The following ANO2 variants were observed in gnomAD, a reference collection of about 807,000 sequenced individuals.
ANO2 encodes the protein anoctamin-2.
Under a neutral mutation model 124.2 loss-of-function variants are expected in ANO2, and 101 were observed. The ratio of observed to expected loss-of-function variants is 0.81; its 90% CI spans 0.69 to 0.96. The LOEUF is 0.96. Ranked by LOEUF, ANO2 falls within the 40% of genes least tolerant of loss-of-function variation. The probability of loss-of-function intolerance (pLI) is 0.00; values close to 1 mark genes in which losing one functional copy is unlikely to be tolerated. For missense variants in ANO2, 1,293 were observed against 1,274.5 expected (o/e 1.01, Z -0.22); for synonymous variants, 486 against 482.5 (o/e 1.01, Z -0.09).
At chr12:5,685,507 G>A (rs1948666137) in intron 14 of ANO2, among the ~76,000 whole-genome samples, 1 of 152,190 alleles carries the variant, frequency 6.6e-6, no homozygotes, top group Non-Finnish European at 1.5e-5. Flanking sequence ...GCCTGGGGCT[G>A]GGCACAGTGG....
At chr12:5,911,018 G>A (rs1468250872) in intron 3 of ANO2, among the ~76,000 whole-genome samples, 2 of 152,274 alleles carry the variant, frequency 1.3e-5, no homozygotes, top group East Asian at 1.9e-4. Context: ...AGCATCTGCG[G>A]GCAGGGAGAG....
intron 3 of ANO2, among the ~76,000 whole-genome samples, chr12:5,854,969 G>C (rs1003819793): frequency 6.6e-6 from 1 of 150,692 alleles, no homozygotes; most frequent in African/African-American, 2.4e-5. Flanking sequence ...CACGCACAGG[G>C]GAAAAAATAC....
At chr12:5,796,203 TCA>T (rs917238163) in intron 10 of ANO2, among the ~76,000 whole-genome samples, 28 of 145,830 alleles carry the variant, frequency 1.9e-4, no homozygotes, top group East Asian at 6.2e-4. Context: ...TCACATACAC[TCA>T]CACTCTCACA....
At position 5,587,526 on chromosome 12, in the gene ANO2, C is replaced by T. The variant is rs544654825; in HGVS notation, c.2234-9008G>A. ...AACCCCATGACAGGGCTGTGAGGGG[C>T]CTGCGGCAATGGAGCTTTGAAGCCC... On this transcript the variant is annotated intron_variant, in intron 20 of 24. Coordinates refer to ENST00000682330, the MANE Select transcript of ANO2 (RefSeq NM_001364791.2). 7.0e-4 allele frequency among the ~76,000 whole-genome samples: 106 copies of T among 152,290 alleles called. 1 individual carries two copies. The highest frequency in any genetic ancestry group is 3.4e-3 in the Middle Eastern group (1 of 294).
At chr12:5,890,716 G>C (rs11611587) in intron 3 of ANO2, among the ~76,000 whole-genome samples, 30,885 of 152,164 alleles carry the variant, frequency 0.2, 3,243 homozygotes, top group Middle Eastern at 0.28. Context: ...TACAATATCT[G>C]AGTTGGTACA....
At chr12:5,746,697 G>A (rs1387015491) in intron 11 of ANO2, among the ~76,000 whole-genome samples, 2 of 152,214 alleles carry the variant, frequency 1.3e-5, no homozygotes, top group Non-Finnish European at 2.9e-5. Context: ...ATGTTCTTCA[G>A]GGTAAATCAT....
intron 15 of ANO2, among the ~76,000 whole-genome samples, chr12:5,644,053 T>C (rs1946514821): frequency 6.6e-6 from 1 of 152,216 alleles, no homozygotes. Flanking sequence ...CAGCATTTTA[T>C]TATGGTTGTG....
chr12:5,666,528 A>G (rs1947726964), intron 14 of ANO2, among the ~76,000 whole-genome samples: 2 of 152,066 alleles, frequency 1.3e-5, no homozygotes, highest in African/African-American at 4.8e-5. Context: ...GCCATTATTT[A>G]TCTGCTGTGT....
At chr12:5,738,646 G>A (rs1206716243) in intron 13 of ANO2, among the ~76,000 whole-genome samples, 1 of 152,194 alleles carries the variant, frequency 6.6e-6, no homozygotes, top group Non-Finnish European at 1.5e-5. Context: ...CAGGAATTAT[G>A]GTGGGAATAG....
chr12:5,830,742 A>G (rs1954124723), intron 5 of ANO2, among the ~76,000 whole-genome samples: 1 of 152,258 alleles, frequency 6.6e-6, no homozygotes. Context: ...AAAGGTATTT[A>G]TAACAAAGAT....
At chr12:5,853,642 T>G (rs1055996560) in intron 4 of ANO2, among the ~76,000 whole-genome samples, 1 of 151,856 alleles carries the variant, frequency 6.6e-6, no homozygotes, top group Non-Finnish European at 1.5e-5. Context: ...AGCAAATTGG[T>G]GTTGTTTCCC....
Position 5,885,675 on chromosome 12 carries a change from G to A in ANO2, c.535-31534C>T, listed in dbSNP as rs186518721. On this transcript the variant is annotated intron_variant, in intron 3 of 24. Transcript: ENST00000682330. ...TTCAAGCCCTTAACCACTGTGCAACGTTACTAGCTAGCCCCGAGTTCTTTG... is the reference window on the plus strand; with the variant it reads ...TTCAAGCCCTTAACCACTGTGCAACATTACTAGCTAGCCCCGAGTTCTTTG... 5.3e-5 allele frequency among the ~76,000 whole-genome samples: 8 copies of A among 152,306 alleles called. No individual in the cohort carries two copies. The East Asian group carries it at 1.2e-3, about 22-fold the overall frequency.
intron 16 of ANO2, among the ~76,000 whole-genome samples, chr12:5,631,900 T>C (rs1945737744): frequency 6.6e-6 from 1 of 152,038 alleles, no homozygotes; most frequent in African/African-American, 2.4e-5. Context: ...CTGGGAGCAA[T>C]GTCCCCAAAC....
intron 9 of ANO2, among the ~76,000 whole-genome samples, chr12:5,800,824 G>A (rs576150110): frequency 1.3e-5 from 2 of 152,158 alleles, no homozygotes; most frequent in South Asian, 2.1e-4. Context: ...CAGTACATTC[G>A]AGAGTTATTG....
intron 10 of ANO2, among the ~76,000 whole-genome samples, chr12:5,771,085 T>C (rs1952063781): frequency 6.6e-6 from 1 of 152,254 alleles, no homozygotes; most frequent in South Asian, 2.1e-4. Context: ...ACTGCTAGAA[T>C]GTAAGCTCCA....
At chr12:5,847,228 G>T (rs1954710953) in intron 4 of ANO2, among the ~76,000 whole-genome samples, 1 of 152,156 alleles carries the variant, frequency 6.6e-6, no homozygotes, top group African/African-American at 2.4e-5. Context: ...TGCATGAGCT[G>T]GGACATCAGT....
Position 5,922,608 on chromosome 12 carries a change from C to T in ANO2, c.207+12G>A, listed in dbSNP as rs1941761601. ...GGCCTATCCCCCCACCCCACCCCCG[C>T]CCAGTACTCACAGAGCTGCTGCGGG... On this transcript the variant is annotated intron_variant, in intron 2 of 24. Coordinates refer to ENST00000682330, the MANE Select transcript of ANO2 (RefSeq NM_001364791.2). The T allele has an allele frequency of 6.5e-7, 1 of 1,531,200 alleles. No homozygotes were observed. Among genetic ancestry groups the T allele is most frequent in the Non-Finnish European group, 8.8e-7 (1 of 1,141,944 alleles). 94.9% of individuals were successfully genotyped at this position (1,531,200 alleles called of 1,614,324 possible). A position where few individuals can be genotyped will look rare whatever the true frequency, so the allele number is the denominator to read the frequency against.
intron 7 of ANO2, among the ~76,000 whole-genome samples, chr12:5,808,800 A>C (rs1953287906): frequency 6.6e-6 from 1 of 152,130 alleles, no homozygotes; most frequent in African/African-American, 2.4e-5. Flanking sequence ...CCCCACCCAC[A>C]TGCTCAGAGA....
At chr12:5,583,726 GT>G (rs1942909004) in intron 20 of ANO2, 1 of 153,094 alleles carries the variant, frequency 6.5e-6, no homozygotes, top group Admixed American at 6.6e-5. Context: ...GCTTAAAGAA[GT>G]TGAATATTGG....
Sources: allele counts gnomAD v4.1 joint callset (sites outside exome capture counted in the v4.1 genomes callset), GRCh38; gene constraint gnomAD v4.1.1; transcripts MANE v1.5; gene names NCBI Gene and HGNC (gene_info 2026-07-23, HGNC 2026-07-21).